The following RGS7 variants were observed in gnomAD, a reference collection of about 807,000 sequenced individuals.
RGS7 encodes the protein regulator of G-protein signaling 7.
RGS7 carries 27 observed loss-of-function variants against 81.1 expected under a neutral mutation model. That is an observed-to-expected ratio of 0.33 (90% confidence interval 0.25 to 0.46). The LOEUF is 0.46. Ranked by LOEUF, RGS7 falls within the 20% of genes least tolerant of loss-of-function variation. The pLI is 1.00. For synonymous variants in RGS7, 208 were observed against 207.7 expected (o/e 1.00, Z -0.01); for missense variants, 396 against 607.4 (o/e 0.65, Z 3.66).
At chr1:241,039,349 CA>C (rs150087907) in intron 3 of RGS7, among the ~76,000 whole-genome samples, 3,637 of 152,268 alleles carry the variant, frequency 0.024, 159 homozygotes, top group African/African-American at 0.082. Flanking sequence ...AGATAAACCA[CA>C]AGGCGCCATA....
intron 4 of RGS7, among the ~76,000 whole-genome samples, chr1:240,953,866 C>A (rs903545271): frequency 1.3e-5 from 2 of 151,876 alleles, no homozygotes; most frequent in Non-Finnish European, 2.9e-5. Context: ...CCAGGCAAAC[C>A]GTGTGAAAAA....
chr1:241,145,346 T>C (rs768572742), intron 2 of RGS7, among the ~76,000 whole-genome samples: 3 of 152,196 alleles, frequency 2.0e-5, no homozygotes, highest in Non-Finnish European at 2.9e-5. Flanking sequence ...CAGAGACTTA[T>C]ATCAATTAGA....
At chr1:240,858,830 A>T (rs1449740237) in intron 9 of RGS7, among the ~76,000 whole-genome samples, 1 of 152,210 alleles carries the variant, frequency 6.6e-6, no homozygotes, top group African/African-American at 2.4e-5. Context: ...GAATACCTGG[A>T]ATAATTCCCA....
intron 2 of RGS7, among the ~76,000 whole-genome samples, chr1:241,206,559 A>G (rs1439302616): frequency 6.6e-6 from 1 of 152,162 alleles, no homozygotes; most frequent in Non-Finnish European, 1.5e-5. Flanking sequence ...TCACATTGCT[A>G]TCAGTAAATT....
intron 5 of RGS7, among the ~76,000 whole-genome samples, chr1:240,933,173 C>G (rs113222548): frequency 2.6e-5 from 4 of 151,130 alleles, no homozygotes; most frequent in Admixed American, 6.6e-5. Flanking sequence ...TGAGCCACCG[C>G]GCCCGGCCGG....
chr1:240,789,640 C>T (rs1463699848), intron 18 of RGS7, among the ~76,000 whole-genome samples: 1 of 152,186 alleles, frequency 6.6e-6, no homozygotes, highest in Non-Finnish European at 1.5e-5. Flanking sequence ...TCCTGTAGCG[C>T]TCCCAGGCTT....
Position 241,098,488 on chromosome 1 carries a change from G to A in RGS7, c.175+178C>T, listed in dbSNP as rs188095452. On this transcript the variant is annotated intron_variant, in intron 3 of 18. Transcript: ENST00000440928. ...CTAGAGCAGGGTCATGATTTTTGGCGTTTTGTTTTACTATCATTTCAAGTG... is the reference window on the plus strand; with the variant it reads ...CTAGAGCAGGGTCATGATTTTTGGCATTTTGTTTTACTATCATTTCAAGTG... Among the ~76,000 whole-genome samples, 565 of 152,222 alleles carry A rather than the reference G, an allele frequency of 3.7e-3. 10 individuals carry two copies. Among genetic ancestry groups the A allele is most frequent in the African/African-American group, 0.013 (534 of 41,534 alleles).
At chr1:241,305,991 G>T (rs61832592) in intron 2 of RGS7, 4,930 of 154,304 alleles carry the variant, frequency 0.032, 128 homozygotes, top group Non-Finnish European at 0.043. Context: ...GTAGAGAGTA[G>T]CCAGTAGACA....
At chr1:241,083,991 T>C (rs1329846983) in intron 3 of RGS7, among the ~76,000 whole-genome samples, 1 of 152,238 alleles carries the variant, frequency 6.6e-6, no homozygotes, top group Non-Finnish European at 1.5e-5. Context: ...CCTTACTTAT[T>C]CTTATCTTCT....
intron 2 of RGS7, among the ~76,000 whole-genome samples, chr1:241,217,882 C>T (rs2074666259): frequency 6.6e-6 from 1 of 152,190 alleles, no homozygotes; most frequent in South Asian, 2.1e-4. Flanking sequence ...TTTCAGGAGG[C>T]TTTCAATCAA....
intron 2 of RGS7, among the ~76,000 whole-genome samples, chr1:241,212,360 A>T (rs2074293647): frequency 6.6e-6 from 1 of 151,842 alleles, no homozygotes; most frequent in African/African-American, 2.4e-5. Context: ...GTCACCTGAG[A>T]GGTGACACAC....
At chr1:241,100,227 T>C (rs2064621535) in intron 2 of RGS7, among the ~76,000 whole-genome samples, 1 of 151,624 alleles carries the variant, frequency 6.6e-6, no homozygotes, top group African/African-American at 2.4e-5. Context: ...TACAAAAAAT[T>C]AGCCGGGCGC....
intron 2 of RGS7, among the ~76,000 whole-genome samples, chr1:241,235,682 TTCTCTCTCTCTTTC>T (rs1019689072): frequency 2.1e-4 from 6 of 28,210 alleles, no homozygotes; most frequent in African/African-American, 8.9e-4. Flanking sequence ...CTCTCTTTCT[TTCTCTCTCTCTTTC>T]TCTCTTTCCT....
chr1:240,932,398 C>T (rs1437801432), intron 5 of RGS7, among the ~76,000 whole-genome samples: 3 of 152,066 alleles, frequency 2.0e-5, no homozygotes, highest in African/African-American at 7.2e-5. Context: ...TCACTTGACT[C>T]CATAGGAGAT....
chr1:240,844,688 C>T (rs1658737287), intron 9 of RGS7, among the ~76,000 whole-genome samples: 1 of 152,292 alleles, frequency 6.6e-6, no homozygotes, highest in South Asian at 2.1e-4. Flanking sequence ...TCACTCATAG[C>T]GGCTTGTGAT....
At chr1:241,157,800 T>G (rs1005717352) in intron 2 of RGS7, among the ~76,000 whole-genome samples, 1 of 145,242 alleles carries the variant, frequency 6.9e-6, no homozygotes, top group African/African-American at 2.6e-5. Context: ...ATAAATAAAC[T>G]TTTTTCTTTT....
chr1:241,246,076 C>A (rs1161629015), intron 2 of RGS7, among the ~76,000 whole-genome samples: 1 of 152,054 alleles, frequency 6.6e-6, no homozygotes, highest in African/African-American at 2.4e-5. Flanking sequence ...TGCCCTCCAG[C>A]CTGGGGGACA....
intron 6 of RGS7, chr1:240,919,605 C>A: frequency 3.9e-6 from 1 of 254,766 alleles, no homozygotes; most frequent in Non-Finnish European, 7.6e-6. Context: ...TACAAAAAAC[C>A]TACAGCTAAT....
At chr1:240,878,831 T>C (rs2796742) in intron 6 of RGS7, among the ~76,000 whole-genome samples, 70,854 of 151,938 alleles carry the variant, frequency 0.47, 16,733 homozygotes, top group East Asian at 0.53. Flanking sequence ...AGATGTAGCT[T>C]ATTTCCCTTA....
Sources: gnomAD v4.1 joint callset for allele counts (sites outside exome capture counted in the v4.1 genomes callset) on GRCh38, gnomAD v4.1.1 for gene constraint, MANE v1.5 for transcripts, NCBI Gene and HGNC (gene_info 2026-07-23, HGNC 2026-07-21) for gene names.